SEMA6D: variants seen among roughly 807,000 people sequenced by gnomAD.
SEMA6D encodes the protein semaphorin-6D.
Under a neutral mutation model 106.6 loss-of-function variants are expected in SEMA6D, and 35 were observed. The observed-to-expected ratio is 0.33, with a 90% confidence interval of 0.25 to 0.44. SEMA6D has a LOEUF of 0.44. Among genes scored for constraint, SEMA6D ranks in the 20% least tolerant of loss-of-function variants. SEMA6D has a pLI of 1.00. For missense variants in SEMA6D, 1,185 were observed against 1,345.9 expected, an observed-to-expected ratio of 0.88 and a Z score of 1.87; for synonymous variants, 499 against 487.7, an observed-to-expected ratio of 1.02 and a Z score of -0.31.
intron 3 of SEMA6D, among the ~76,000 whole-genome samples, chr15:47,545,333 A>G (rs752592898): frequency 1.3e-5 from 2 of 152,132 alleles, no homozygotes; most frequent in Non-Finnish European, 1.5e-5. Flanking sequence ...GCACTCATCA[A>G]TTTCCACTGT....
intron 3 of SEMA6D, among the ~76,000 whole-genome samples, chr15:47,595,483 CTTGTTG>C (rs547980808): frequency 2.6e-5 from 4 of 152,016 alleles, no homozygotes; most frequent in Non-Finnish European, 5.9e-5. Context: ...TACTAGTACT[CTTGTTG>C]TTGTTGAGGA....
chr15:47,393,109 A>G (rs1025145), intron 1 of SEMA6D, among the ~76,000 whole-genome samples: 62,440 of 152,126 alleles, frequency 0.41, 13,877 homozygotes, highest in African/African-American at 0.6. Context: ...ATATATGGGC[A>G]TTGGAAAATT....
intron 4 of SEMA6D, among the ~76,000 whole-genome samples, chr15:47,707,822 C>A (rs1359241483): frequency 1.3e-5 from 2 of 152,112 alleles, no homozygotes; most frequent in South Asian, 4.1e-4. Context: ...CCATGCCAAC[C>A]CTTTAAACTC....
intron 3 of SEMA6D, among the ~76,000 whole-genome samples, chr15:47,517,688 A>G (rs747552733): frequency 3.9e-5 from 6 of 151,942 alleles, no homozygotes; most frequent in Non-Finnish European, 8.8e-5. Flanking sequence ...TAGCTGCTGT[A>G]TTTCCTTCAT....
At chr15:47,254,412 C>T (rs1201158062) in intron 1 of SEMA6D, among the ~76,000 whole-genome samples, 1 of 150,844 alleles carries the variant, frequency 6.6e-6, no homozygotes, top group Non-Finnish European at 1.5e-5. Context: ...CATTTGGATG[C>T]CCTTTATTTC....
intron 1 of SEMA6D, among the ~76,000 whole-genome samples, chr15:47,214,398 T>C (rs1317021516): frequency 6.6e-6 from 1 of 152,038 alleles, no homozygotes; most frequent in Non-Finnish European, 1.5e-5. Context: ...TTTAAACATT[T>C]AATGGAAAAG....
rs2041050385 is a variant in SEMA6D, at chr15:47,418,494, C to T, written c.-159+6022C>T. ...TCATAGGCCGAGCCTTCTGTTTGTCCTTACATGGTGAGAGAGGCGGTAAAG... is the reference window on the plus strand; with the variant it reads ...TCATAGGCCGAGCCTTCTGTTTGTCTTTACATGGTGAGAGAGGCGGTAAAG... On this transcript the variant is annotated intron_variant, in intron 2 of 19. Transcript: ENST00000558014. Among the ~76,000 whole-genome samples the T allele has an allele frequency of 2.0e-5, 3 of 152,034 alleles. No homozygotes were observed. The South Asian group carries it at 6.2e-4, about 31-fold the overall frequency.
chr15:47,623,063 C>A (rs1024212869), intron 4 of SEMA6D, among the ~76,000 whole-genome samples: 4 of 152,162 alleles, frequency 2.6e-5, no homozygotes, highest in African/African-American at 9.7e-5. Context: ...TTCTCTTCCC[C>A]CCTCCCTCTC....
In SEMA6D at chr15:47,245,625, C is replaced by T. The variant is rs1289599951; in HGVS notation, c.-239+61207C>T. 1.3e-5 allele frequency among the ~76,000 whole-genome samples: 2 copies of T among 152,154 alleles called. 1 individual carries two copies. The highest frequency in any genetic ancestry group is 2.9e-5 in the Non-Finnish European group (2 of 68,022). On this transcript the variant is annotated intron_variant, in intron 1 of 19. Transcript: ENST00000558014. ...GGAAGATGTTCTACTGTTATGTATC[C>T]ATTTTATTATTCACAATCTCTTTCA...
At chr15:47,273,581 A>G (rs1045381524) in intron 1 of SEMA6D, among the ~76,000 whole-genome samples, 4 of 152,176 alleles carry the variant, frequency 2.6e-5, no homozygotes, top group African/African-American at 7.2e-5. Flanking sequence ...CCAGAATTCT[A>G]TCCTTAGCCG....
chr15:47,385,939 A>G (rs2039823103), intron 1 of SEMA6D, among the ~76,000 whole-genome samples: 1 of 152,200 alleles, frequency 6.6e-6, no homozygotes, highest in African/African-American at 2.4e-5. Flanking sequence ...ATAAGTTTTA[A>G]CACTAACTAG....
intron 1 of SEMA6D, among the ~76,000 whole-genome samples, chr15:47,263,716 A>T (rs1026577246): frequency 2.0e-5 from 3 of 151,810 alleles, no homozygotes; most frequent in Non-Finnish European, 1.5e-5. Flanking sequence ...AGCTCCATCC[A>T]TGTTGCTGCA....
At chr15:47,462,019 C>G (rs955356446) in intron 2 of SEMA6D, among the ~76,000 whole-genome samples, 1 of 151,962 alleles carries the variant, frequency 6.6e-6, no homozygotes, top group Non-Finnish European at 1.5e-5. Context: ...TTTGGTGATT[C>G]TAGATACTGA....
At chr15:47,205,380 CAT>C (rs1289771598) in intron 1 of SEMA6D, among the ~76,000 whole-genome samples, 1 of 152,242 alleles carries the variant, frequency 6.6e-6, no homozygotes. Flanking sequence ...GAGGGTCTAA[CAT>C]ATTGTCATTA....
chr15:47,499,127 G>A (rs1231635788), intron 3 of SEMA6D, among the ~76,000 whole-genome samples: 4 of 152,100 alleles, frequency 2.6e-5, no homozygotes, highest in South Asian at 2.1e-4. Flanking sequence ...TTTATATATT[G>A]GTACTTTCAG....
At chr15:47,529,001 A>G (rs1041497646) in intron 3 of SEMA6D, among the ~76,000 whole-genome samples, 3 of 152,246 alleles carry the variant, frequency 2.0e-5, no homozygotes, top group African/African-American at 7.2e-5. Context: ...AGCTGGGGAA[A>G]AATGTTATTA....
chr15:47,413,402 T>TAA (rs780640462), intron 2 of SEMA6D, among the ~76,000 whole-genome samples: 27 of 152,164 alleles, frequency 1.8e-4, no homozygotes, highest in Non-Finnish European at 2.9e-4. Flanking sequence ...CATCTTCCTT[T>TAA]AAGCCAGATC....
chr15:47,758,324 TC>T (rs755181938), intron 1 of SEMA6D, among the ~76,000 whole-genome samples: 3 of 152,286 alleles, frequency 2.0e-5, no homozygotes, highest in Non-Finnish European at 4.4e-5. Context: ...GTGGTTGGAC[TC>T]CCCTGGAATT....
chr15:47,420,034 CA>C (rs2041101963), intron 2 of SEMA6D, among the ~76,000 whole-genome samples: 1 of 152,074 alleles, frequency 6.6e-6, no homozygotes, highest in South Asian at 2.1e-4. Context: ...TTTCCAAGAA[CA>C]TGAAGAGCTG....
Sources: allele counts gnomAD v4.1 joint callset (sites outside exome capture counted in the v4.1 genomes callset), GRCh38; gene constraint gnomAD v4.1.1; transcripts MANE v1.5; gene names NCBI Gene and HGNC (gene_info 2026-07-23, HGNC 2026-07-21).